The following CCDC88A variants were observed in gnomAD, a reference collection of about 807,000 sequenced individuals.
CCDC88A encodes the protein coiled-coil and HOOK domain protein 88A.
A neutral mutation model predicts 234.3 loss-of-function variants in CCDC88A; 54 were observed. That is an observed-to-expected ratio of 0.23 (90% CI 0.19 to 0.29). The LOEUF (loss-of-function observed/expected upper bound fraction) is 0.29. Ranked by LOEUF, CCDC88A falls within the 10% of genes least tolerant of loss-of-function variation. CCDC88A has a pLI of 1.00. For missense variants in CCDC88A, 1,832 were observed against 2,123.4 expected, an observed-to-expected ratio of 0.86 and a Z score of 2.70; for synonymous variants, 753 against 737.8, an observed-to-expected ratio of 1.02 and a Z score of -0.33.
chr2:55,296,166 A>T, intron 30 of CCDC88A, 92 bp downstream of exon 30: 1 of 897,430 alleles, frequency 1.1e-6, no homozygotes, highest in Non-Finnish European at 1.6e-6. Flanking sequence ...AATACTCCTT[A>T]ACTTACCAAA....
chr2:55,388,779 T>C lies in CCDC88A; in HGVS notation c.272A>G (p.Gln91Arg). The change falls in exon 3 of 33, where the codon CAG becomes CGG. Residue 91 changes from glutamine (Q) to arginine (R), a missense_variant and splice_region_variant. Physicochemically the swap from Gln to Arg is conservative, Grantham distance 43. Around this residue, in one of 6 missense-constraint regions of CCDC88A, gnomAD observed 84 missense variants for 80.9 expected, o/e 1.04. Transcript: ENST00000436346. ...CAGATTTTTAAAAAGAGCACTTACC[T>C]GGTAATAAAATTTTATCTGTCTCAC... is the stretch of plus-strand genomic sequence containing the variant. The part of the protein sequence containing the change: ...ILVRQIKFYY[Q>R]ETLQQLIMMS... The C allele has an allele frequency of 8.2e-7, 1 of 1,220,704 alleles. No individual in the cohort carries two copies. The highest frequency in any genetic ancestry group is 1.2e-6 in the Non-Finnish European group (1 of 848,428). 75.6% of individuals were successfully genotyped at this position (1,220,704 alleles called of 1,614,324 possible).
At position 55,289,366 on chromosome 2, in the gene CCDC88A, T is replaced by G. The variant is rs6545485; in HGVS notation, c.*1834A>C. On this transcript the variant is annotated 3_prime_UTR_variant, in exon 33 of 33. Coordinates refer to ENST00000436346, the MANE Select transcript of CCDC88A (RefSeq NM_001365480.1). ...ATGTTTACTTTTATCCACCTAAAAA[T>G]GAATGTACATTTTTTGACATGCAAT... The G allele has an allele frequency of 6.6e-6, 1 of 152,526 alleles. No individual in the cohort carries two copies. The highest frequency in any genetic ancestry group is 2.4e-5 in the African/African-American group (1 of 41,378). The allele number at this position is 152,526 out of a possible 1,614,324, so 9.4% of individuals were successfully genotyped here.
rs200839306 is a variant in CCDC88A at position 55,301,985 on chromosome 2, G to C, written c.4559C>G (p.Thr1520Arg). The C allele has an allele frequency of 1.9e-6, 3 of 1,613,972 alleles. No individual in the cohort carries two copies. The highest frequency in any genetic ancestry group is 2.5e-6 in the Non-Finnish European group (3 of 1,179,874). ...ENLEVPDDIS[T>R]GKRRKELGAM... ...TCCCAATTCTTTTCTCCTTTTACCC[G>C]TTGAAATATCATCAGGAACCTCCAA... The change falls in exon 27 of 33, where the codon ACG (threonine) becomes AGG (arginine). Residue 1520 changes from threonine (T) to arginine (R), a missense_variant. This residue lies in a region of CCDC88A where 422 missense variants were observed against 416.5 expected (regional missense o/e 1.01). Coordinates refer to ENST00000436346, the MANE Select transcript of CCDC88A (RefSeq NM_001365480.1).
At chr2:55,292,295 C>T (rs1679520925) in intron 31 of CCDC88A, 1 of 152,214 alleles carries the variant, frequency 6.6e-6, no homozygotes, top group Non-Finnish European at 1.5e-5. Context: ...CCAGCTTCAT[C>T]ATTTATAAAA....
chr2:55,368,653 T>C (rs1171607942), intron 5 of CCDC88A, among the ~76,000 whole-genome samples: 1 of 152,124 alleles, frequency 6.6e-6, no homozygotes, highest in East Asian at 1.9e-4. Context: ...TAGTATCTCT[T>C]GAAACCTGTG....
chr2:55,346,351 A>T lies in CCDC88A; in HGVS notation c.883-18T>A. 1 of 1,460,416 alleles carries T rather than the reference A, an allele frequency of 6.8e-7. No homozygotes were observed. The highest frequency in any genetic ancestry group is 9.3e-7 in the Non-Finnish European group (1 of 1,072,022). The allele number at this position is 1,460,416 out of a possible 1,614,324, so 90.5% of individuals were successfully genotyped here. ...TTCATGTTCTAAACAAAAATTTAAA[A>T]TTATATTTTAATTATTTTCTGTTAT... On this transcript the variant is annotated intron_variant, in intron 9 of 32. Coordinates refer to ENST00000436346, the MANE Select transcript of CCDC88A (RefSeq NM_001365480.1).
At chr2:55,360,234 G>A (rs745515849) in intron 7 of CCDC88A, among the ~76,000 whole-genome samples, 4 of 151,944 alleles carry the variant, frequency 2.6e-5, no homozygotes, top group Non-Finnish European at 5.9e-5. Flanking sequence ...TGTTAAAAAG[G>A]GTGACCAAAT....
intron 2 of CCDC88A, among the ~76,000 whole-genome samples, chr2:55,396,522 T>C (rs1445026565): frequency 1.3e-5 from 2 of 152,124 alleles, no homozygotes; most frequent in African/African-American, 2.4e-5. Context: ...TTTTACTCTT[T>C]TAGTTTTTCC....
intron 7 of CCDC88A, 122 bp downstream of exon 7, chr2:55,362,186 A>C (rs1019528445): frequency 8.4e-6 from 6 of 715,388 alleles, no homozygotes; most frequent in Admixed American, 8.0e-5. Flanking sequence ...TTCCACACAA[A>C]AAAAGACACT....
chr2:55,372,899 T>C lies in CCDC88A; in HGVS notation c.344-389A>G, dbSNP rs950627077. On this transcript the variant is annotated intron_variant, in intron 4 of 32. Coordinates refer to ENST00000436346, the MANE Select transcript of CCDC88A (RefSeq NM_001365480.1). ...TGGCTCCTAATAGGTTTGGCTCCTC[T>C]TAGGCCTATTAGTGTTTTCTTACTT... 5.3e-5 allele frequency among the ~76,000 whole-genome samples: 8 copies of C among 152,328 alleles called. No individual in the cohort carries two copies. The South Asian group carries it at 1.7e-3, about 32-fold the overall frequency.
At chr2:55,338,152 A>G (rs1354371610) in intron 13 of CCDC88A, among the ~76,000 whole-genome samples, 1 of 152,206 alleles carries the variant, frequency 6.6e-6, no homozygotes, top group Non-Finnish European at 1.5e-5. Context: ...GCTAATTTCA[A>G]AAAGAAACTG....
Position 55,339,498 on chromosome 2 carries a change from T to C in CCDC88A, c.1484A>G (p.Lys495Arg). The C allele has an allele frequency of 1.3e-6, 2 of 1,594,334 alleles. No homozygotes were observed. The highest frequency in any genetic ancestry group is 1.7e-6 in the Non-Finnish European group (2 of 1,172,868). Reference sequence around the variant, plus strand: ...GAGCCTTTGATTTTCTTTTTCCATTTTCAGGATTTTGGAAGCATTGCCTTC... The same window carrying C: ...GAGCCTTTGATTTTCTTTTTCCATTCTCAGGATTTTGGAAGCATTGCCTTC... The part of the protein sequence containing the change: ...SVEGNASKIL[K>R]MEKENQRLSK... Residue 495 changes from lysine (K) to arginine (R), a missense_variant, in exon 13 of 33, where the codon AAA becomes AGA. Lys to Arg is a conservative substitution (Grantham distance 26). This residue lies in a region of CCDC88A where 1,282 missense variants were observed against 1,543.6 expected (regional missense o/e 0.83). Transcript: ENST00000436346.
intron 2 of CCDC88A, among the ~76,000 whole-genome samples, chr2:55,413,338 G>A (rs1479590522): frequency 6.6e-6 from 1 of 152,168 alleles, no homozygotes. Context: ...GATATAGTGG[G>A]TCAACAAAAC....
At chr2:55,414,043 TA>T (rs1680951161) in intron 2 of CCDC88A, among the ~76,000 whole-genome samples, 1 of 151,734 alleles carries the variant, frequency 6.6e-6, no homozygotes, top group Non-Finnish European at 1.5e-5. Context: ...CCCAAAATTC[TA>T]AAGGAAAAGC....
chr2:55,339,504 AT>A lies in CCDC88A; in HGVS notation c.1477del (p.Ile493SerfsTer2). The A allele has an allele frequency of 6.3e-7, 1 of 1,598,704 alleles. No individual in the cohort carries two copies. Among genetic ancestry groups the A allele is most frequent in the Non-Finnish European group, 8.5e-7 (1 of 1,175,052 alleles). On this transcript the variant is annotated frameshift_variant, in exon 13 of 33. Transcript: ENST00000436346. LOFTEE classifies it high-confidence loss of function. ...TTGATTTTCTTTTTCCATTTTCAGG[AT>A]TTTGGAAGCATTGCCTTCTACAGAA... The part of the protein sequence containing the change: ...VDSVEGNASK[I>X]LKMEKENQRL...
chr2:55,363,336 T>A (rs540133680), intron 6 of CCDC88A, among the ~76,000 whole-genome samples: 1 of 151,944 alleles, frequency 6.6e-6, no homozygotes, highest in South Asian at 2.1e-4. Flanking sequence ...CCTTTTCTAA[T>A]CAACATGTAA....
intron 9 of CCDC88A, chr2:55,349,221 T>C (rs2104741396): frequency 3.2e-6 from 1 of 309,246 alleles, no homozygotes; most frequent in South Asian, 6.4e-5. Context: ...ACAGTAGAGG[T>C]GTTCTAGCTT....
chr2:55,394,985 A>G (rs936884659), intron 2 of CCDC88A, among the ~76,000 whole-genome samples: 2 of 151,880 alleles, frequency 1.3e-5, no homozygotes, highest in African/African-American at 4.8e-5. Context: ...AGCTGGGATT[A>G]CAGGTGCACG....
chr2:55,305,193 T>A (rs938137637), intron 25 of CCDC88A, among the ~76,000 whole-genome samples: 2 of 152,222 alleles, frequency 1.3e-5, no homozygotes, highest in African/African-American at 4.8e-5. Flanking sequence ...GTTTTTAATT[T>A]TTTTCCAAGG....
Sources: gnomAD v4.1 joint callset for allele counts (sites outside exome capture counted in the v4.1 genomes callset) on GRCh38, gnomAD v4.1.1 for gene constraint, gnomAD v4.1.1 regional missense constraint, MANE v1.5 for transcripts, NCBI Gene and HGNC (gene_info 2026-07-23, HGNC 2026-07-21) for gene names.